The following SCAPER variants were observed in gnomAD, a reference collection of about 807,000 sequenced individuals.
SCAPER encodes S phase cyclin A-associated protein in the endoplasmic reticulum.
In SCAPER, 98 loss-of-function variants were observed where a neutral mutation model predicts 182.2. The observed-to-expected ratio is 0.54, with a 90% CI of 0.46 to 0.64. SCAPER has a LOEUF of 0.64. Among genes scored for constraint, SCAPER ranks in the 30% least tolerant of loss-of-function variants. The pLI, the probability that SCAPER is intolerant of heterozygous loss-of-function variation, is 0.00. For missense variants in SCAPER, 1,432 were observed against 1,690.0 expected (o/e 0.85, Z 2.68); for synonymous variants, 605 against 564.6 (o/e 1.07, Z -1.01).
chr15:76,833,798 CAAG>C (rs1286030720), intron 5 of SCAPER, among the ~76,000 whole-genome samples: 5 of 152,164 alleles, frequency 3.3e-5, no homozygotes, highest in African/African-American at 4.8e-5. Context: ...TTCAATTCAA[CAAG>C]AAGATTTAAC....
chr15:76,736,613 T>A (rs1464498310), intron 15 of SCAPER: 1 of 152,438 alleles, frequency 6.6e-6, no homozygotes, highest in Non-Finnish European at 1.5e-5. Context: ...AGAAACCACA[T>A]TATTTGCTCA....
chr15:76,628,489 C>T (rs2052792931), intron 21 of SCAPER, among the ~76,000 whole-genome samples: 1 of 152,180 alleles, frequency 6.6e-6, no homozygotes, highest in Admixed American at 6.5e-5. Flanking sequence ...CAATCTTCTG[C>T]ATATGGCTAG....
At chr15:76,775,293 A>T (rs2063682809) in intron 8 of SCAPER, among the ~76,000 whole-genome samples, 176 bp from the exon 9 acceptor site, 1 of 152,164 alleles carries the variant, frequency 6.6e-6, no homozygotes, top group Admixed American at 6.5e-5. Context: ...AAATGTATGT[A>T]TAATTATTCC....
At chr15:76,510,888 T>TGTGTGCGC (rs1491205462) in intron 23 of SCAPER, among the ~76,000 whole-genome samples, 7 of 141,204 alleles carry the variant, frequency 5.0e-5, no homozygotes, top group Non-Finnish European at 9.4e-5. Context: ...TGTGTGTGTG[T>TGTGTGCGC]GCGCGCGCGC....
intron 15 of SCAPER, among the ~76,000 whole-genome samples, chr15:76,740,707 T>C (rs1196439520): frequency 6.6e-6 from 1 of 152,046 alleles, no homozygotes; most frequent in Non-Finnish European, 1.5e-5. Context: ...TAGAAAAAAG[T>C]TTTTTTCTTA....
chr15:76,365,078 C>G lies in SCAPER; in HGVS notation c.3856-10938G>C, dbSNP rs1310816220. 2.6e-5 allele frequency among the ~76,000 whole-genome samples: 4 copies of G among 152,088 alleles called. 1 individual carries two copies. The highest frequency in any genetic ancestry group is 9.7e-5 in the African/African-American group (4 of 41,410). On this transcript the variant is annotated intron_variant, in intron 29 of 31. Coordinates refer to ENST00000563290, the MANE Select transcript of SCAPER (RefSeq NM_020843.4). ...TGTCTGTTTTGCTTCCCACTGTATC[C>G]TGGATGTCTGGAACAGTGCCTGGCA...
Position 76,710,417 on chromosome 15 carries a change from A to G in SCAPER, c.2166-4433T>C, listed in dbSNP as rs368817525. Among the ~76,000 whole-genome samples, 5 of 152,304 alleles carry G rather than the reference A, an allele frequency of 3.3e-5. No individual in the cohort carries two copies. In the East Asian group the frequency reaches 5.8e-4, roughly 18 times the overall value. On this transcript the variant is annotated intron_variant, in intron 17 of 31. Transcript: ENST00000563290. ...TCATAAGTTGAGGAACATCTGTAAG[A>G]AAGTTTAACAAGGTCATTAAAAACA...
At chr15:76,855,129 A>C (rs2151849808) in intron 4 of SCAPER, among the ~76,000 whole-genome samples, 1 of 152,306 alleles carries the variant, frequency 6.6e-6, no homozygotes, top group East Asian at 1.9e-4. Context: ...AAGGCCACAC[A>C]CCTACAACTA....
intron 5 of SCAPER, among the ~76,000 whole-genome samples, chr15:76,818,696 T>A (rs1157711701): frequency 6.6e-6 from 1 of 152,222 alleles, no homozygotes; most frequent in Non-Finnish European, 1.5e-5. Context: ...CATTTCCAAC[T>A]GAGGTACCAG....
At chr15:76,806,754 T>C (rs2066189988) in intron 5 of SCAPER, among the ~76,000 whole-genome samples, 1 of 152,202 alleles carries the variant, frequency 6.6e-6, no homozygotes, top group Admixed American at 6.5e-5. Context: ...CAATTATATT[T>C]TATAGTTTGT....
At chr15:76,808,493 G>T (rs2066349443) in intron 5 of SCAPER, among the ~76,000 whole-genome samples, 1 of 152,174 alleles carries the variant, frequency 6.6e-6, no homozygotes, top group African/African-American at 2.4e-5. Context: ...ACTATAAAGA[G>T]CAAAGAGCTG....
At chr15:76,867,574 C>A (rs147869168) in intron 2 of SCAPER, among the ~76,000 whole-genome samples, 1 of 152,126 alleles carries the variant, frequency 6.6e-6, no homozygotes, top group East Asian at 1.9e-4. Flanking sequence ...GGGGAAACAA[C>A]TTCTCTCTTG....
intron 14 of SCAPER, among the ~76,000 whole-genome samples, chr15:76,756,291 T>C (rs1364408216): frequency 1.4e-5 from 2 of 141,958 alleles, no homozygotes; most frequent in Non-Finnish European, 3.0e-5. Context: ...AGGGCAAGAA[T>C]GATGGCCAGG....
At chr15:76,540,865 G>GT (rs1316630766) in intron 23 of SCAPER, among the ~76,000 whole-genome samples, 1 of 152,218 alleles carries the variant, frequency 6.6e-6, no homozygotes, top group East Asian at 1.9e-4. Context: ...GCTCACACCT[G>GT]TAATCCCAGG....
At chr15:76,477,706 G>A (rs189594107) in intron 24 of SCAPER, among the ~76,000 whole-genome samples, 2 of 151,954 alleles carry the variant, frequency 1.3e-5, no homozygotes, top group East Asian at 1.9e-4. Flanking sequence ...AAATAAAACC[G>A]GTATTTTAAA....
intron 25 of SCAPER, among the ~76,000 whole-genome samples, chr15:76,459,408 C>T (rs539447991): frequency 9.2e-5 from 14 of 152,184 alleles, no homozygotes; most frequent in Admixed American, 2.0e-4. Context: ...GATGACATCT[C>T]ATTGTGATTT....
chr15:76,744,944 C>T (rs1171870903), intron 15 of SCAPER, among the ~76,000 whole-genome samples: 1 of 152,092 alleles, frequency 6.6e-6, no homozygotes, highest in Non-Finnish European at 1.5e-5. Flanking sequence ...ACATATACAA[C>T]ATGGAATACT....
intron 25 of SCAPER, among the ~76,000 whole-genome samples, chr15:76,439,871 C>T (rs1291056909): frequency 6.6e-6 from 1 of 152,202 alleles, no homozygotes; most frequent in East Asian, 1.9e-4. Context: ...ATCTCTCACC[C>T]CTCAGGCAGA....
intron 4 of SCAPER, among the ~76,000 whole-genome samples, chr15:76,848,779 G>GT (rs1203677439): frequency 6.6e-6 from 1 of 151,998 alleles, no homozygotes; most frequent in Non-Finnish European, 1.5e-5. Flanking sequence ...CTATCAACTG[G>GT]TTTTTTAGTA....
Sources: gnomAD v4.1 joint callset for allele counts (sites outside exome capture counted in the v4.1 genomes callset) on GRCh38, gnomAD v4.1.1 for gene constraint, MANE v1.5 for transcripts, NCBI Gene and HGNC (gene_info 2026-07-23, HGNC 2026-07-21) for gene names.